Variants in PRKN observed in about 807,000 individuals in gnomAD.
PRKN encodes the protein parkin RBR E3 ubiquitin protein ligase, also known as E3 ubiquitin-protein ligase parkin.
A neutral mutation model predicts 59.5 loss-of-function variants in PRKN; 56 were observed. The observed-to-expected ratio is 0.94, with a 90% CI of 0.76 to 1.18. The LOEUF (loss-of-function observed/expected upper bound fraction) is 1.18, where lower values mean the gene tolerates loss of function less well. PRKN is among the 50% of genes most tolerant of loss of function. PRKN has a pLI of 0.00. For missense variants in PRKN, 657 were observed against 596.4 expected, an observed-to-expected ratio of 1.10 and a Z score of -1.06; for synonymous variants, 250 against 222.1, an observed-to-expected ratio of 1.13 and a Z score of -1.12.
intron 6 of PRKN, among the ~76,000 whole-genome samples, chr6:161,904,719 C>A (rs1161122502): frequency 6.6e-6 from 1 of 152,154 alleles, no homozygotes; most frequent in African/African-American, 2.4e-5. Context: ...ATTCAGCCAA[C>A]ACCATCTCTG....
chr6:162,157,120 C>A (rs1219605521), intron 4 of PRKN, among the ~76,000 whole-genome samples: 2 of 151,896 alleles, frequency 1.3e-5, no homozygotes, highest in African/African-American at 4.8e-5. Context: ...TACTGGCAAG[C>A]CACATTTTGC....
chr6:162,689,256 G>A (rs1777681540), intron 1 of PRKN, among the ~76,000 whole-genome samples: 1 of 152,100 alleles, frequency 6.6e-6, no homozygotes, highest in African/African-American at 2.4e-5. Flanking sequence ...CATTCTTACT[G>A]AAAGAAGTTA....
intron 7 of PRKN, among the ~76,000 whole-genome samples, chr6:161,653,909 A>C (rs78113142): frequency 0.02 from 3,066 of 152,286 alleles, 90 homozygotes; most frequent in African/African-American, 0.07. Context: ...TCACAGGAGC[A>C]CGCTGGGGTC....
intron 1 of PRKN, among the ~76,000 whole-genome samples, chr6:162,586,184 T>TATA (rs1426590582): frequency 6.6e-6 from 1 of 152,178 alleles, no homozygotes; most frequent in Non-Finnish European, 1.5e-5. Flanking sequence ...GAAAGTTGTA[T>TATA]ATAAGTTCAG....
rs764830270 is a variant in PRKN, at chr6:161,454,141, T to C, written c.1084-67264A>G. ...ATGGAAGGAAACCTAAAAGTAACAA[T>C]GTACACAACTCGCTAGGGTTGCCAG... On this transcript the variant is annotated intron_variant, in intron 9 of 11. Transcript: ENST00000366898. This position sits in a 1 kb window ranked among gnomAD's most constrained non-coding sequence, Gnocchi z 4.6. Among the ~76,000 whole-genome samples the C allele has an allele frequency of 1.4e-4, 21 of 152,154 alleles. No homozygotes were observed. Among genetic ancestry groups the C allele is most frequent in the Non-Finnish European group, 2.9e-4 (20 of 68,016 alleles).
chr6:162,355,417 A>C (rs1583430759), intron 2 of PRKN, among the ~76,000 whole-genome samples: 1 of 152,026 alleles, frequency 6.6e-6, no homozygotes, highest in Admixed American at 6.6e-5. Context: ...CTATATATAT[A>C]TAACAATTTA....
chr6:162,237,891 G>A (rs1477862011), intron 3 of PRKN, among the ~76,000 whole-genome samples: 1 of 152,030 alleles, frequency 6.6e-6, no homozygotes. Context: ...TCAGTCCAGG[G>A]ACCAGAGGAT....
chr6:162,115,251 A>C (rs1780615519), intron 4 of PRKN, among the ~76,000 whole-genome samples: 2 of 151,908 alleles, frequency 1.3e-5, no homozygotes, highest in African/African-American at 4.8e-5. Context: ...AAGAACAAAA[A>C]ACCAAACACC....
chr6:162,287,454 G>C (rs915362648), intron 2 of PRKN, among the ~76,000 whole-genome samples: 4 of 152,220 alleles, frequency 2.6e-5, no homozygotes, highest in South Asian at 2.1e-4. Flanking sequence ...TGTGGCCCCA[G>C]ATACTCAGGA....
chr6:161,515,034 C>T (rs17649505), intron 9 of PRKN, among the ~76,000 whole-genome samples: 24,304 of 152,130 alleles, frequency 0.16, 2,361 homozygotes, highest in Middle Eastern at 0.29. Context: ...ATAAAAGCGA[C>T]TCTATACATG....
At chr6:162,348,208 T>C (rs1426157222) in intron 2 of PRKN, among the ~76,000 whole-genome samples, 1 of 152,040 alleles carries the variant, frequency 6.6e-6, no homozygotes, top group Non-Finnish European at 1.5e-5. Flanking sequence ...GAGCATTGAG[T>C]AGAATACACA....
intron 6 of PRKN, among the ~76,000 whole-genome samples, chr6:161,823,120 A>T (rs1275846931): frequency 6.6e-5 from 8 of 121,898 alleles, no homozygotes; most frequent in South Asian, 2.4e-4. Flanking sequence ...TTTTTTTTTT[A>T]GAGATGGGGT....
chr6:162,392,935 T>C (rs1787275691), intron 2 of PRKN, among the ~76,000 whole-genome samples: 1 of 151,956 alleles, frequency 6.6e-6, no homozygotes, highest in South Asian at 2.1e-4. Flanking sequence ...GGCTCACTGC[T>C]AAGCTTTCTC....
intron 5 of PRKN, among the ~76,000 whole-genome samples, chr6:162,053,397 G>A (rs549781853): frequency 1.8e-4 from 27 of 152,254 alleles, no homozygotes; most frequent in Admixed American, 1.5e-3. Context: ...GTTAGATTAC[G>A]ACGGAGCCAG....
chr6:161,386,074 C>T lies in PRKN; in HGVS notation c.1167+720G>A, dbSNP rs577323289. ...ATTTCTATGTCTGTTTACTAGGTTC[C>T]TATCAGTACAATGACTAAAGGATTT... On this transcript the variant is annotated intron_variant, in intron 10 of 11. Transcript: ENST00000366898. The surrounding 1 kb of genome is among the most constrained non-coding windows in gnomAD (Gnocchi z 4.3). Among the ~76,000 whole-genome samples the T allele has an allele frequency of 6.0e-4, 92 of 152,248 alleles. 1 individual carries two copies. The highest frequency in any genetic ancestry group is 2.0e-3 in the African/African-American group (84 of 41,542).
chr6:161,537,968 A>T (rs1779488656), intron 9 of PRKN, among the ~76,000 whole-genome samples: 1 of 152,164 alleles, frequency 6.6e-6, no homozygotes, highest in African/African-American at 2.4e-5. Context: ...AAATTCCCAG[A>T]CTGTCCCTGA....
At position 161,906,659 on chromosome 6, in the gene PRKN, C is replaced by CATATATATATATAT. The variant is rs144796790; in HGVS notation, c.734+66629_734+66642dup. Among the ~76,000 whole-genome samples, 420 of 116,506 alleles carry CATATATATATATAT rather than the reference C, an allele frequency of 3.6e-3. 18 individuals are homozygous for CATATATATATATAT. Among genetic ancestry groups the CATATATATATATAT allele is most frequent in the East Asian group, 0.015 (73 of 4,774 alleles). The allele number at this position is 116,506 out of a possible 152,430, so 76.4% of individuals were successfully genotyped here. On this transcript the variant is annotated intron_variant, in intron 6 of 11. Coordinates refer to ENST00000366898, the MANE Select transcript of PRKN (RefSeq NM_004562.3). ...AGAGGGACAAATCTAATAGAACATA[C>CATATATATATATAT]ATATATATATATATATGTATATATG...
intron 10 of PRKN, among the ~76,000 whole-genome samples, chr6:161,368,331 GTA>G (rs1323426792): frequency 7.6e-6 from 1 of 132,450 alleles, no homozygotes; most frequent in African/African-American, 2.9e-5. Flanking sequence ...ATATATATTT[GTA>G]TATATATTTG....
chr6:162,190,742 A>G (rs943620136), intron 4 of PRKN, among the ~76,000 whole-genome samples: 2 of 152,196 alleles, frequency 1.3e-5, no homozygotes, highest in Non-Finnish European at 2.9e-5. Context: ...TCACTGTAAG[A>G]TAAGATATTT....
Sources: allele counts gnomAD v4.1 joint callset (sites outside exome capture counted in the v4.1 genomes callset), GRCh38; gene constraint gnomAD v4.1.1; non-coding constraint Gnocchi (gnomAD v3.1); transcripts MANE v1.5; gene names NCBI Gene and HGNC (gene_info 2026-07-23, HGNC 2026-07-21).